The following SDCCAG8 variants were observed in gnomAD, a reference collection of about 807,000 sequenced individuals.
SDCCAG8 encodes SHH signaling and ciliogenesis regulator SDCCAG8.
Under a neutral mutation model 101.8 loss-of-function variants are expected in SDCCAG8, and 74 were observed. The ratio of observed to expected loss-of-function variants is 0.73; its 90% CI spans 0.60 to 0.88. The LOEUF (loss-of-function observed/expected upper bound fraction) is 0.88, where lower values mean the gene tolerates loss of function less well. Ranked by LOEUF, SDCCAG8 falls within the 40% of genes least tolerant of loss-of-function variation. The pLI is 0.00. For synonymous variants in SDCCAG8, 281 were observed against 292.9 expected (o/e 0.96, Z 0.41); for missense variants, 787 against 822.6 (o/e 0.96, Z 0.53).
intron 16 of SDCCAG8, among the ~76,000 whole-genome samples, chr1:243,440,762 A>G (rs1574060031): frequency 6.6e-6 from 1 of 152,230 alleles, no homozygotes; most frequent in African/African-American, 2.4e-5. Context: ...AAGGAAAGCA[A>G]TGCCTTTCGT....
chr1:243,324,362 C>A (rs1456321249), intron 9 of SDCCAG8, among the ~76,000 whole-genome samples: 1 of 151,370 alleles, frequency 6.6e-6, no homozygotes, highest in Non-Finnish European at 1.5e-5. Flanking sequence ...TTCCCAAGGT[C>A]TTTCTCTCTC....
intron 16 of SDCCAG8, among the ~76,000 whole-genome samples, chr1:243,426,760 C>T (rs969890548): frequency 7.2e-5 from 11 of 152,070 alleles, no homozygotes; most frequent in African/African-American, 2.4e-4. Flanking sequence ...AGAGTACATC[C>T]TCTTTTTGTT....
chr1:243,497,462 G>A (rs1185815585), intron 17 of SDCCAG8, among the ~76,000 whole-genome samples: 1 of 151,946 alleles, frequency 6.6e-6, no homozygotes, highest in East Asian at 1.9e-4. Context: ...CTGATCTGCC[G>A]CAGGAAGGAA....
At chr1:243,412,793 C>A (rs2080274133) in intron 13 of SDCCAG8, among the ~76,000 whole-genome samples, 1 of 151,972 alleles carries the variant, frequency 6.6e-6, no homozygotes, top group South Asian at 2.1e-4. Context: ...CACTATGCAA[C>A]CTATAAGCAG....
intron 10 of SDCCAG8, among the ~76,000 whole-genome samples, chr1:243,331,427 T>A (rs1204712185): frequency 6.6e-6 from 1 of 152,214 alleles, no homozygotes; most frequent in Non-Finnish European, 1.5e-5. Context: ...GTTATCAGAT[T>A]CAATGTGTGA....
intron 9 of SDCCAG8, among the ~76,000 whole-genome samples, chr1:243,329,192 C>T (rs776220872): frequency 3.3e-5 from 5 of 151,978 alleles, no homozygotes; most frequent in African/African-American, 4.8e-5. Context: ...CAGGCATTCT[C>T]GGCTGGAATT....
intron 13 of SDCCAG8, among the ~76,000 whole-genome samples, chr1:243,406,237 T>G (rs1295516001): frequency 6.6e-6 from 1 of 152,152 alleles, no homozygotes; most frequent in Admixed American, 6.5e-5. Flanking sequence ...GGTAATAGCA[T>G]ATTTGGCCTT....
intron 13 of SDCCAG8, among the ~76,000 whole-genome samples, chr1:243,380,622 CGAGTGG>C (rs1384723286): frequency 2.0e-4 from 30 of 151,392 alleles, no homozygotes; most frequent in Non-Finnish European, 4.3e-4. Flanking sequence ...TGAAAATGGA[CGAGTGG>C]TAACTAATTC....
At chr1:243,344,433 C>A (rs1573446765) in intron 12 of SDCCAG8, 102 bp downstream of exon 12, 1 of 959,276 alleles carries the variant, frequency 1.0e-6, no homozygotes, top group East Asian at 2.5e-5. Flanking sequence ...TGTATTGTTT[C>A]TAACTAATGG....
At chr1:243,439,114 T>C (rs1321510933) in intron 16 of SDCCAG8, among the ~76,000 whole-genome samples, 1 of 152,194 alleles carries the variant, frequency 6.6e-6, no homozygotes, top group African/African-American at 2.4e-5. Flanking sequence ...TGTGTGATAA[T>C]GTGTTACAAT....
At chr1:243,408,273 G>A (rs1415781089) in intron 13 of SDCCAG8, among the ~76,000 whole-genome samples, 2 of 152,138 alleles carry the variant, frequency 1.3e-5, no homozygotes, top group Non-Finnish European at 2.9e-5. Context: ...GGATAAATTA[G>A]TGAGCAAAAC....
chr1:243,423,213 A>G (rs2081126061), intron 15 of SDCCAG8, among the ~76,000 whole-genome samples: 1 of 152,184 alleles, frequency 6.6e-6, no homozygotes, highest in Non-Finnish European at 1.5e-5. Flanking sequence ...TACTTTATAA[A>G]TAACATTTAT....
rs566161309 is a variant in SDCCAG8 at position 243,332,916 on chromosome 1, G to A, written c.1221+2224G>A. 1.6e-4 allele frequency among the ~76,000 whole-genome samples: 24 copies of A among 152,354 alleles called. No homozygotes were observed. In the South Asian group the frequency reaches 5.0e-3, roughly 32 times the overall value. On this transcript the variant is annotated intron_variant, in intron 10 of 17. Coordinates refer to ENST00000366541, the MANE Select transcript of SDCCAG8 (RefSeq NM_006642.5). The stretch of plus-strand genomic sequence containing the variant: ...TCCAGGTCTGGAGGTGATTATCGTA[G>A]TCCAGGTGGGAAGTGATGGTATCTT...
chr1:243,259,296 A>G (rs2067010643), intron 1 of SDCCAG8, among the ~76,000 whole-genome samples: 1 of 151,654 alleles, frequency 6.6e-6, no homozygotes, highest in Non-Finnish European at 1.5e-5. Flanking sequence ...AGTCCCAGCT[A>G]CTCAGGAGGC....
chr1:243,371,046 C>T (rs188960952), intron 12 of SDCCAG8, among the ~76,000 whole-genome samples: 37 of 152,204 alleles, frequency 2.4e-4, no homozygotes, highest in African/African-American at 8.9e-4. Context: ...GTCACTAGCC[C>T]TAAAGTCTCC....
intron 12 of SDCCAG8, among the ~76,000 whole-genome samples, chr1:243,349,220 C>T (rs2075945208): frequency 6.6e-6 from 1 of 152,190 alleles, no homozygotes; most frequent in Non-Finnish European, 1.5e-5. Flanking sequence ...CTCACATATA[C>T]AGACACATAT....
intron 9 of SDCCAG8, among the ~76,000 whole-genome samples, chr1:243,317,650 G>A (rs543571242): frequency 1.3e-4 from 20 of 152,262 alleles, no homozygotes; most frequent in African/African-American, 4.6e-4. Context: ...TGGACTTACT[G>A]TAAGGTAACT....
chr1:243,373,219 G>C (rs530653550), intron 12 of SDCCAG8, among the ~76,000 whole-genome samples: 1 of 151,966 alleles, frequency 6.6e-6, no homozygotes, highest in East Asian at 1.9e-4. Context: ...AGAAGATCTG[G>C]TTCAAGGCTT....
At chr1:243,270,377 CAGATA>C (rs1398771386) in intron 2 of SDCCAG8, 120 bp downstream of exon 2, 13 of 1,031,754 alleles carry the variant, frequency 1.3e-5, no homozygotes, top group Non-Finnish European at 1.9e-5. Context: ...AAACACAAAT[CAGATA>C]ATTTAATTCC....
Sources: allele counts gnomAD v4.1 joint callset (sites outside exome capture counted in the v4.1 genomes callset), GRCh38; gene constraint gnomAD v4.1.1; transcripts MANE v1.5; gene names NCBI Gene and HGNC (gene_info 2026-07-23, HGNC 2026-07-21).